SVEP1: variants seen among roughly 807,000 people sequenced by gnomAD.
The protein encoded by SVEP1 is sushi, von Willebrand factor type A, EGF and pentraxin domain containing 1, also known as sushi, von Willebrand factor type A, EGF and pentraxin domain-containing protein 1.
In SVEP1, 164 loss-of-function variants were observed where a neutral mutation model predicts 367.3. The ratio of observed to expected loss-of-function variants is 0.45; its 90% CI spans 0.39 to 0.51. SVEP1 has a LOEUF of 0.51. Among genes scored for constraint, SVEP1 ranks in the 20% least tolerant of loss-of-function variants. The probability of loss-of-function intolerance (pLI) is 0.00; values close to 1 mark genes in which losing one functional copy is unlikely to be tolerated. For missense variants in SVEP1, 4,117 were observed against 4,425.3 expected (o/e 0.93, Z 1.98); for synonymous variants, 1,666 against 1,611.6 (o/e 1.03, Z -0.81).
chr9:110,451,534 T>C (rs1413612772), intron 22 of SVEP1, 132 bp from the exon 23 acceptor site: 1 of 586,142 alleles, frequency 1.7e-6, no homozygotes, highest in Non-Finnish European at 2.9e-6. Flanking sequence ...GTGACAAACA[T>C]GTTGAAATAA....
intron 36 of SVEP1, among the ~76,000 whole-genome samples, chr9:110,413,507 A>G (rs906358513): frequency 7.9e-5 from 12 of 151,644 alleles, no homozygotes; most frequent in Non-Finnish European, 2.9e-5. Context: ...TAACCTGCAC[A>G]ATGTGCACAT....
At chr9:110,382,183 T>C (rs906080113) in intron 43 of SVEP1, among the ~76,000 whole-genome samples, 2 of 151,906 alleles carry the variant, frequency 1.3e-5, no homozygotes, top group Admixed American at 1.3e-4. Context: ...CATTGATCTT[T>C]GTACTTCAGG....
At chr9:110,459,819 A>G (rs537376416) in intron 18 of SVEP1, among the ~76,000 whole-genome samples, 1 of 152,232 alleles carries the variant, frequency 6.6e-6, no homozygotes, top group South Asian at 2.1e-4. Flanking sequence ...AAACGGAATT[A>G]GTTATTTTAA....
chr9:110,393,970 A>G (rs1433688362), intron 40 of SVEP1, among the ~76,000 whole-genome samples: 1 of 152,198 alleles, frequency 6.6e-6, no homozygotes, highest in Non-Finnish European at 1.5e-5. Flanking sequence ...GTAACTCTGA[A>G]GACTTAAATG....
chr9:110,477,051 T>C (rs1389740242), intron 13 of SVEP1, among the ~76,000 whole-genome samples: 2 of 152,174 alleles, frequency 1.3e-5, no homozygotes, highest in East Asian at 1.9e-4. Flanking sequence ...GTGATTTCTA[T>C]AGTCACCTAG....
intron 1 of SVEP1, 62 bp downstream of exon 1, chr9:110,578,951 G>C: frequency 6.6e-7 from 1 of 1,515,204 alleles, no homozygotes; most frequent in South Asian, 1.2e-5. Flanking sequence ...GAGACGGGCA[G>C]GCAGCGGTGG....
intron 20 of SVEP1, 37 bp from the exon 21 acceptor site, chr9:110,457,389 C>A (rs370306652): frequency 4.7e-6 from 7 of 1,494,234 alleles, no homozygotes; most frequent in Non-Finnish European, 6.5e-6. Context: ...AGAGACAAAG[C>A]ACTCTATTTA....
intron 39 of SVEP1, among the ~76,000 whole-genome samples, chr9:110,403,358 G>A (rs1827898619): frequency 7.5e-6 from 1 of 132,560 alleles, no homozygotes; most frequent in Non-Finnish European, 1.5e-5. Flanking sequence ...AGGCTGGAGT[G>A]CAGTGGCGCA....
rs1314264634 is a variant in SVEP1, at chr9:110,533,594, CTGTGTGTGTGTGTGCACGCACACG to C, written c.964+12497_964+12520del. Among the ~76,000 whole-genome samples the C allele has an allele frequency of 8.9e-5, 13 of 146,708 alleles. No individual in the cohort carries two copies. In the East Asian group the frequency reaches 2.3e-3, roughly 26 times the overall value. On this transcript the variant is annotated intron_variant, in intron 3 of 47. Coordinates refer to ENST00000374469, the MANE Select transcript of SVEP1 (RefSeq NM_153366.4). ...ACCCGGGGTTACTATCTCTGTGTGTCTGTGTGTGTGTGTGCACGCACACGTGTGTGTGTATTTTGGCATCCCCAG... is the reference window on the plus strand; with the variant it reads ...ACCCGGGGTTACTATCTCTGTGTGTCTGTGTGTGTATTTTGGCATCCCCAG...
chr9:110,413,497 TAA>T (rs1828075335), intron 36 of SVEP1, among the ~76,000 whole-genome samples: 1 of 151,456 alleles, frequency 6.6e-6, no homozygotes, highest in Non-Finnish European at 1.5e-5. Flanking sequence ...CATATGTAAC[TAA>T]CCTGCACAAT....
At position 110,414,801 on chromosome 9, in the gene SVEP1, G is replaced by T. The variant is rs185715962; in HGVS notation, c.5976-3066C>A. ...GAGCAGCCTACTAGATATTTAAACGGCTGCAATTTAATAAGAACAACAGGA... is the reference window on the plus strand; with the variant it reads ...GAGCAGCCTACTAGATATTTAAACGTCTGCAATTTAATAAGAACAACAGGA... On this transcript the variant is annotated intron_variant, in intron 36 of 47. Transcript: ENST00000374469. Among the ~76,000 whole-genome samples the T allele has an allele frequency of 5.3e-5, 8 of 151,908 alleles. 1 individual carries two copies. The highest frequency in any genetic ancestry group is 1.9e-4 in the African/African-American group (8 of 41,294).
At chr9:110,446,064 G>T in intron 25 of SVEP1, 26 bp from the exon 26 acceptor site, 1 of 1,575,926 alleles carries the variant, frequency 6.3e-7, no homozygotes, top group South Asian at 1.1e-5. Context: ...AAAGTGTGCA[G>T]ACTGTGGCAC....
intron 3 of SVEP1, among the ~76,000 whole-genome samples, chr9:110,543,594 C>G (rs950394545): frequency 1.1e-4 from 16 of 152,156 alleles, no homozygotes; most frequent in Admixed American, 5.2e-4. Flanking sequence ...TGCTGCTTGT[C>G]CCCTGGGATG....
intron 40 of SVEP1, among the ~76,000 whole-genome samples, chr9:110,390,246 T>TATACTTATATATACAC: frequency 8.0e-6 from 1 of 125,384 alleles, no homozygotes; most frequent in Non-Finnish European, 1.7e-5. Context: ...TATGTGTATA[T>TATACTTATATATACAC]ATACTTATAT....
chr9:110,474,132 C>G (rs1452487659), intron 14 of SVEP1, among the ~76,000 whole-genome samples: 1 of 152,148 alleles, frequency 6.6e-6, no homozygotes, highest in Non-Finnish European at 1.5e-5. Flanking sequence ...TCCCGAGTAG[C>G]TGGGATTACA....
intron 43 of SVEP1, 35 bp from the exon 44 acceptor site, chr9:110,379,552 T>C: frequency 1.2e-6 from 2 of 1,606,234 alleles, no homozygotes; most frequent in South Asian, 1.1e-5. Context: ...AAGCTTGTGC[T>C]ATTAACACAG....
chr9:110,553,421 T>C (rs955962707), intron 1 of SVEP1, among the ~76,000 whole-genome samples: 48 of 152,292 alleles, frequency 3.2e-4, no homozygotes, highest in African/African-American at 1.2e-3. Flanking sequence ...AATCAGCAGA[T>C]AGTGAATTTG....
In SVEP1 at chr9:110,499,134, G is replaced by A. The variant is rs767066256; in HGVS notation, c.1588C>T (p.Arg530Cys). Residue 530 changes from arginine to cysteine, a missense_variant, in exon 7 of 48, where the codon CGC becomes TGC. Arg to Cys is a radical substitution (Grantham distance 180). Around this residue, in one of 4 missense-constraint regions of SVEP1, gnomAD observed 2,174 missense variants for 2,494.3 expected, o/e 0.87. Transcript: ENST00000374469. ...KFGTICYVSC[R>C]QGFILSGVKE... The stretch of plus-strand genomic sequence containing the variant: ...ACTCCAGATAAAATGAACCCTTGGC[G>A]GCAACTTACATAGCAGATCGTCCCA... 49 of 1,613,558 alleles carry A rather than the reference G, an allele frequency of 3.0e-5. No homozygotes were observed. Among genetic ancestry groups the A allele is most frequent in the African/African-American group, 5.3e-5 (4 of 74,878 alleles).
At chr9:110,391,316 G>A (rs1367441242) in intron 40 of SVEP1, among the ~76,000 whole-genome samples, 1 of 149,414 alleles carries the variant, frequency 6.7e-6, no homozygotes, top group African/African-American at 2.5e-5. Flanking sequence ...TGTTGCCCAG[G>A]CTGGAATGCA....
Sources: gnomAD v4.1 joint callset for allele counts (sites outside exome capture counted in the v4.1 genomes callset) on GRCh38, gnomAD v4.1.1 for gene constraint, gnomAD v4.1.1 regional missense constraint, MANE v1.5 for transcripts, NCBI Gene and HGNC (gene_info 2026-07-23, HGNC 2026-07-21) for gene names.